Variants in TGFBR3 observed in about 807,000 individuals in gnomAD.
TGFBR3 encodes the protein transforming growth factor beta receptor type 3.
Under a neutral mutation model 87.9 loss-of-function variants are expected in TGFBR3, and 46 were observed. The ratio of observed to expected loss-of-function variants is 0.52; its 90% CI spans 0.41 to 0.67. TGFBR3 has a LOEUF of 0.67. Ranked by LOEUF, TGFBR3 falls within the 30% of genes least tolerant of loss-of-function variation. The pLI is 0.00. For missense variants in TGFBR3, 866 were observed against 1,041.9 expected (o/e 0.83, Z 2.32); for synonymous variants, 381 against 391.6 (o/e 0.97, Z 0.32).
chr1:91,704,734 T>G (rs1418324934), intron 14 of TGFBR3, among the ~76,000 whole-genome samples: 1 of 152,224 alleles, frequency 6.6e-6, no homozygotes, highest in Non-Finnish European at 1.5e-5. Context: ...AAAAGAACGC[T>G]AACCCAACAC....
chr1:91,719,495 G>A (rs373481933), intron 9 of TGFBR3, 31 bp from the exon 10 acceptor site: 47 of 1,613,230 alleles, frequency 2.9e-5, no homozygotes, highest in Non-Finnish European at 4.0e-5. Context: ...GACATGGTTG[G>A]AGGCCCACAG....
At position 91,729,969 on chromosome 1, in the gene TGFBR3, T is replaced by C. The variant is rs745661002; in HGVS notation, c.573A>G (p.Gln191=). ...CTATGTTGCACTTTGGAGGGAACAC[T>C]TGATCTGAAAGAGGCACAGGACAAT... ...RNIYIKVGED[Q]VFPPKCNIGK... The change falls in exon 6 of 17, where the codon CAA becomes CAG. Residue 191 remains glutamine (Q), a synonymous_variant. Transcript: ENST00000212355. 1 of 1,614,114 alleles carries C rather than the reference T, an allele frequency of 6.2e-7. No individual in the cohort carries two copies. Among genetic ancestry groups the C allele is most frequent in the South Asian group, 1.1e-5 (1 of 91,076 alleles).
intron 2 of TGFBR3, among the ~76,000 whole-genome samples, chr1:91,857,469 C>A (rs1206335464): frequency 2.6e-5 from 4 of 152,180 alleles, no homozygotes; most frequent in Non-Finnish European, 4.4e-5. Flanking sequence ...GTCTTCAAGA[C>A]AGAGTTCAAG....
In TGFBR3 at chr1:91,719,910, C is replaced by T; in HGVS notation, c.1396G>A (p.Glu466Lys). Residue 466 changes from glutamate to lysine, a missense_variant, in exon 9 of 17, where the codon GAA becomes AAA. Glu to Lys is a moderately conservative substitution (Grantham distance 56). Transcript: ENST00000212355. ...CDNEKMIVAV[E>K]KDSFQASGYS... Reference sequence around the variant, plus strand: ...GCACCGACCTGAAAAGAATCTTTTTCTACAGCCACGATCATCTTCTCATTG... The same window carrying T: ...GCACCGACCTGAAAAGAATCTTTTTTTACAGCCACGATCATCTTCTCATTG... The T allele has an allele frequency of 6.2e-7, 1 of 1,614,186 alleles. No individual in the cohort carries two copies. The highest frequency in any genetic ancestry group is 8.5e-7 in the Non-Finnish European group (1 of 1,180,018).
At chr1:91,813,650 G>C (rs559375069) in intron 2 of TGFBR3, among the ~76,000 whole-genome samples, 1 of 152,250 alleles carries the variant, frequency 6.6e-6, no homozygotes, top group East Asian at 1.9e-4. Flanking sequence ...CCTGGTCCAG[G>C]TCAGTACGAA....
chr1:91,823,215 T>G (rs1676515961), intron 2 of TGFBR3, among the ~76,000 whole-genome samples: 1 of 152,114 alleles, frequency 6.6e-6, no homozygotes, highest in South Asian at 2.1e-4. Context: ...GCAGGTGATA[T>G]CTGAGGTGAT....
At chr1:91,840,241 G>T (rs929826173) in intron 2 of TGFBR3, among the ~76,000 whole-genome samples, 3 of 151,118 alleles carry the variant, frequency 2.0e-5, no homozygotes, top group Non-Finnish European at 2.9e-5. Flanking sequence ...AGAATCACTT[G>T]AGCCTGGGAG....
At chr1:91,814,404 GA>G (rs1400469851) in intron 2 of TGFBR3, among the ~76,000 whole-genome samples, 5 of 152,044 alleles carry the variant, frequency 3.3e-5, no homozygotes, top group African/African-American at 1.2e-4. Context: ...AAGTTACATG[GA>G]AACAATGAAT....
At chr1:91,831,778 C>T (rs1380365309) in intron 2 of TGFBR3, among the ~76,000 whole-genome samples, 1 of 152,184 alleles carries the variant, frequency 6.6e-6, no homozygotes, top group African/African-American at 2.4e-5. Context: ...TGCTGAACAT[C>T]AAAACACGTA....
At chr1:91,782,277 T>C (rs1571504512) in intron 3 of TGFBR3, among the ~76,000 whole-genome samples, 1 of 152,232 alleles carries the variant, frequency 6.6e-6, no homozygotes. Flanking sequence ...CCCCCAGAAG[T>C]CTTTTGGGGC....
At chr1:91,740,996 T>C (rs566545660) in intron 4 of TGFBR3, among the ~76,000 whole-genome samples, 1 of 152,212 alleles carries the variant, frequency 6.6e-6, no homozygotes, top group Non-Finnish European at 1.5e-5. Flanking sequence ...CACACCACTC[T>C]CAATAGTTTA....
chr1:91,886,157 C>G, upstream of TGFBR3: 1 of 454,102 alleles, frequency 2.2e-6, no homozygotes, highest in Non-Finnish European at 4.4e-6. Context: ...CGATTACCCC[C>G]ATCAGGCCGA....
chr1:91,688,505 T>C (rs1257673989), intron 16 of TGFBR3, among the ~76,000 whole-genome samples: 1 of 152,208 alleles, frequency 6.6e-6, no homozygotes, highest in African/African-American at 2.4e-5. Flanking sequence ...AGATAATCAC[T>C]ACTTCACAGG....
At chr1:91,759,744 G>A (rs1396606896) in intron 3 of TGFBR3, among the ~76,000 whole-genome samples, 1 of 152,152 alleles carries the variant, frequency 6.6e-6, no homozygotes. Context: ...ATAAGGGAGG[G>A]ACAGGACAAA....
chr1:91,807,013 C>CCAACA (rs1282865828), intron 2 of TGFBR3, among the ~76,000 whole-genome samples: 13 of 152,148 alleles, frequency 8.5e-5, no homozygotes, highest in African/African-American at 2.9e-4. Context: ...CAGGATATGA[C>CCAACA]GCAAAAACAA....
intron 3 of TGFBR3, among the ~76,000 whole-genome samples, chr1:91,794,341 C>T (rs1490286996): frequency 6.6e-6 from 1 of 151,962 alleles, no homozygotes. Flanking sequence ...GTAGCTACGA[C>T]TACAGGCACC....
At chr1:91,754,846 A>C (rs560296983) in intron 4 of TGFBR3, 1 of 152,312 alleles carries the variant, frequency 6.6e-6, no homozygotes, top group African/African-American at 2.4e-5. Context: ...TCACCCTGAT[A>C]AATGAGTAGA....
At chr1:91,687,607 T>C (rs760239211) in intron 16 of TGFBR3, among the ~76,000 whole-genome samples, 32 of 152,118 alleles carry the variant, frequency 2.1e-4, no homozygotes, top group Admixed American at 9.2e-4. Context: ...AAGCTTGGTA[T>C]TTAGGCCAAA....
rs568156069 is a variant in TGFBR3 at position 91,785,328 on chromosome 1, G to C, written c.246+11959C>G. Among the ~76,000 whole-genome samples the C allele has an allele frequency of 2.2e-3, 342 of 152,312 alleles. 1 individual carries two copies. The highest frequency in any genetic ancestry group is 4.0e-3 in the Non-Finnish European group (273 of 68,032). Reference sequence around the variant, plus strand: ...CTTGGGCTAGTGCCGGGTCGTGGGGGGCACACACAGGGAATGGGAGAGTGA... The same window carrying C: ...CTTGGGCTAGTGCCGGGTCGTGGGGCGCACACACAGGGAATGGGAGAGTGA... On this transcript the variant is annotated intron_variant, in intron 3 of 16. Transcript: ENST00000212355.
Sources: allele counts gnomAD v4.1 joint callset (sites outside exome capture counted in the v4.1 genomes callset), GRCh38; gene constraint gnomAD v4.1.1; transcripts MANE v1.5; gene names NCBI Gene and HGNC (gene_info 2026-07-23, HGNC 2026-07-21).